The following BICD1 variants were observed in gnomAD, a reference collection of about 807,000 sequenced individuals.
BICD1 encodes the protein BICD cargo adaptor 1.
A neutral mutation model predicts 92.5 loss-of-function variants in BICD1; 35 were observed. The observed-to-expected ratio is 0.38, with a 90% CI of 0.29 to 0.50. The LOEUF (loss-of-function observed/expected upper bound fraction) is 0.50, where lower values mean the gene tolerates loss of function less well. BICD1 is among the 20% of genes least tolerant of loss of function. The probability of loss-of-function intolerance (pLI) is 0.93; values close to 1 mark genes in which losing one functional copy is unlikely to be tolerated. For missense variants in BICD1, 950 were observed against 1,189.8 expected (o/e 0.80, Z 2.97); for synonymous variants, 429 against 465.1 (o/e 0.92, Z 1.00).
At chr12:32,239,537 G>C (rs1036063231) in intron 2 of BICD1, among the ~76,000 whole-genome samples, 10 of 149,230 alleles carry the variant, frequency 6.7e-5, no homozygotes, top group Admixed American at 6.0e-4. Context: ...TTGCACTCCA[G>C]TGCAGTGGAG....
Position 32,337,883 on chromosome 12 carries a change from G to A in BICD1, c.2570+67G>A. The A allele has an allele frequency of 6.5e-7, 1 of 1,547,380 alleles. No homozygotes were observed. The highest frequency in any genetic ancestry group is 2.3e-5 in the East Asian group (1 of 44,150). On this transcript the variant is annotated intron_variant, in intron 7 of 9. Coordinates refer to ENST00000652176, the MANE Select transcript of BICD1 (RefSeq NM_001714.4). This position sits in a 1 kb window ranked among gnomAD's most constrained non-coding sequence, Gnocchi z 4.7. Reference sequence around the variant, plus strand: ...ATTTTAGTTAACTGCAAAAATAAATGTGCTCTTGTTGTGGAGGATGGAGGA... The same window carrying A: ...ATTTTAGTTAACTGCAAAAATAAATATGCTCTTGTTGTGGAGGATGGAGGA...
chr12:32,252,306 C>A (rs910608313), intron 2 of BICD1, among the ~76,000 whole-genome samples: 1 of 148,870 alleles, frequency 6.7e-6, no homozygotes, highest in Non-Finnish European at 1.5e-5. Flanking sequence ...ATGGTCCTAG[C>A]AAACCAGTTT....
At chr12:32,239,684 C>T (rs1946184014) in intron 2 of BICD1, among the ~76,000 whole-genome samples, 1 of 151,884 alleles carries the variant, frequency 6.6e-6, no homozygotes, top group African/African-American at 2.4e-5. Context: ...TCTCAGCTCA[C>T]TGCAACCTCT....
chr12:32,336,838 G>C (rs1232971798), intron 6 of BICD1, among the ~76,000 whole-genome samples: 3 of 152,206 alleles, frequency 2.0e-5, no homozygotes, highest in Non-Finnish European at 4.4e-5. Context: ...TGGGCTGGGT[G>C]CAGTGGCTGA....
chr12:32,298,324 G>C (rs1213012745), intron 3 of BICD1, among the ~76,000 whole-genome samples: 1 of 152,122 alleles, frequency 6.6e-6, no homozygotes, highest in Non-Finnish European at 1.5e-5. Flanking sequence ...CACTTTGGGA[G>C]GCCGAGGTGG....
At chr12:32,247,913 C>T (rs1214039772) in intron 2 of BICD1, among the ~76,000 whole-genome samples, 1 of 151,864 alleles carries the variant, frequency 6.6e-6, no homozygotes, top group Non-Finnish European at 1.5e-5. Context: ...AGTGAAACCC[C>T]GTCTCTACTA....
At chr12:32,217,485 A>G (rs546336066) in intron 2 of BICD1, among the ~76,000 whole-genome samples, 5 of 152,224 alleles carry the variant, frequency 3.3e-5, no homozygotes, top group Non-Finnish European at 7.3e-5. Flanking sequence ...ACATGTCCAT[A>G]TTACAATGAA....
At chr12:32,188,235 G>A (rs985653179) in intron 1 of BICD1, among the ~76,000 whole-genome samples, 1 of 152,124 alleles carries the variant, frequency 6.6e-6, no homozygotes, top group African/African-American at 2.4e-5. Flanking sequence ...ACTGCGCCTG[G>A]CCAACTATAA....
intron 1 of BICD1, among the ~76,000 whole-genome samples, chr12:32,203,776 C>T (rs1320830211): frequency 1.2e-5 from 1 of 85,094 alleles, no homozygotes; most frequent in Non-Finnish European, 2.9e-5. Context: ...CTCTCGGTCT[C>T]TTCTTTGGCC....
intron 2 of BICD1, among the ~76,000 whole-genome samples, chr12:32,290,862 C>G (rs1037168792): frequency 6.6e-6 from 1 of 152,190 alleles, no homozygotes; most frequent in African/African-American, 2.4e-5. Context: ...CTTTTCCCCC[C>G]TCCAATTGCA....
At chr12:32,296,668 T>C (rs1244540779) in intron 3 of BICD1, among the ~76,000 whole-genome samples, 3 of 151,854 alleles carry the variant, frequency 2.0e-5, no homozygotes, top group African/African-American at 7.3e-5. Flanking sequence ...TCCTTCCCGA[T>C]TCCTACACTC....
At chr12:32,338,672 A>T in intron 7 of BICD1, 114 bp from the exon 8 acceptor site, 1 of 883,448 alleles carries the variant, frequency 1.1e-6, no homozygotes, top group Non-Finnish European at 1.7e-6. Context: ...TGATTTACAT[A>T]TTTAAAAAAT....
In BICD1 at chr12:32,246,422, G is replaced by T. The variant is rs990806931; in HGVS notation, c.426+29963G>T. Among the ~76,000 whole-genome samples, 13 of 152,052 alleles carry T rather than the reference G, an allele frequency of 8.5e-5. No individual in the cohort carries two copies. In the East Asian group the frequency reaches 2.3e-3, roughly 27 times the overall value. ...GGTGGCCAAGGTGGGAGGATCGCTT[G>T]AGGCCAGTGATTAAAGACCAGCCTG... On this transcript the variant is annotated intron_variant, in intron 2 of 9. Transcript: ENST00000652176.
intron 1 of BICD1, among the ~76,000 whole-genome samples, chr12:32,160,850 T>G (rs1943577997): frequency 6.6e-6 from 1 of 152,296 alleles, no homozygotes; most frequent in Admixed American, 6.5e-5. Context: ...TATTAAAACT[T>G]AACACATGAA....
chr12:32,311,340 A>T (rs993885007), intron 4 of BICD1, among the ~76,000 whole-genome samples: 1 of 152,128 alleles, frequency 6.6e-6, no homozygotes, highest in East Asian at 1.9e-4. Flanking sequence ...TACTAAAAAA[A>T]ATACAAAAAT....
chr12:32,226,465 G>A (rs557211063), intron 2 of BICD1, among the ~76,000 whole-genome samples: 1 of 152,242 alleles, frequency 6.6e-6, no homozygotes, highest in South Asian at 2.1e-4. Flanking sequence ...TATATTAACT[G>A]GATTTTTGTC....
At chr12:32,172,459 T>C (rs1943973511) in intron 1 of BICD1, among the ~76,000 whole-genome samples, 1 of 152,140 alleles carries the variant, frequency 6.6e-6, no homozygotes, top group Non-Finnish European at 1.5e-5. Context: ...AGAGAAAAGG[T>C]AGTAAGAGAT....
chr12:32,306,314 G>A (rs944194883), intron 4 of BICD1, among the ~76,000 whole-genome samples, 192 bp downstream of exon 4: 1 of 152,022 alleles, frequency 6.6e-6, no homozygotes, highest in Non-Finnish European at 1.5e-5. Flanking sequence ...TGCAATTTCG[G>A]CTCACTGCAA....
At chr12:32,179,185 C>G (rs1355411917) in intron 1 of BICD1, among the ~76,000 whole-genome samples, 1 of 151,892 alleles carries the variant, frequency 6.6e-6, no homozygotes, top group Non-Finnish European at 1.5e-5. Flanking sequence ...AGGAATGCTG[C>G]TTTGCATTTA....
Sources: allele counts gnomAD v4.1 joint callset (sites outside exome capture counted in the v4.1 genomes callset), GRCh38; gene constraint gnomAD v4.1.1; non-coding constraint Gnocchi (gnomAD v3.1); transcripts MANE v1.5; gene names NCBI Gene and HGNC (gene_info 2026-07-23, HGNC 2026-07-21).